The following CAMSAP2 variants were observed in gnomAD, a reference collection of about 807,000 sequenced individuals.
The protein encoded by CAMSAP2 is calmodulin-regulated spectrin-associated protein 2.
Under a neutral mutation model 146.1 loss-of-function variants are expected in CAMSAP2, and 26 were observed. The observed-to-expected ratio is 0.18, with a 90% CI of 0.13 to 0.25. The LOEUF (loss-of-function observed/expected upper bound fraction) is 0.25. Ranked by LOEUF, CAMSAP2 falls within the 10% of genes least tolerant of loss-of-function variation. CAMSAP2 has a pLI of 1.00. For missense variants in CAMSAP2, 1,381 were observed against 1,759.3 expected (o/e 0.78, Z 3.85); for synonymous variants, 499 against 596.6 (o/e 0.84, Z 2.38).
chr1:200,851,257 A>G (rs1352722428), intron 11 of CAMSAP2, among the ~76,000 whole-genome samples: 3 of 152,102 alleles, frequency 2.0e-5, no homozygotes, highest in South Asian at 4.1e-4. Context: ...CTGGAGTACA[A>G]TGGCGCAATC....
chr1:200,817,211 T>TGTGTGTGTGTATACACAC (rs1666610782), intron 4 of CAMSAP2, among the ~76,000 whole-genome samples: 2 of 56,140 alleles, frequency 3.6e-5, no homozygotes, highest in African/African-American at 1.5e-4. Flanking sequence ...TATACACACA[T>TGTGTGTGTGTATACACAC]ACACACATAT....
In CAMSAP2 at chr1:200,795,574, C is replaced by T. The variant is rs185051098; in HGVS notation, c.400-11802C>T. 1.5e-3 allele frequency among the ~76,000 whole-genome samples: 224 copies of T among 152,210 alleles called. 1 individual carries two copies. The highest frequency in any genetic ancestry group is 5.3e-3 in the African/African-American group (219 of 41,538). On this transcript the variant is annotated intron_variant, in intron 2 of 16. Coordinates refer to ENST00000358823, the MANE Select transcript of CAMSAP2 (RefSeq NM_203459.4). ...AAGCTACATATAGTCCAGATGAAGT[C>T]GATGAGTCTGCTCAGGAGACATATC...
chr1:200,791,129 G>A (rs545831232), intron 2 of CAMSAP2, among the ~76,000 whole-genome samples: 1 of 152,336 alleles, frequency 6.6e-6, no homozygotes, highest in South Asian at 2.1e-4. Flanking sequence ...ACAGGCGTGA[G>A]CCACTGCATC....
chr1:200,828,599 G>A, intron 4 of CAMSAP2: 9 of 1,550,008 alleles, frequency 5.8e-6, no homozygotes, highest in Non-Finnish European at 7.8e-6. Context: ...TTTGGAAACT[G>A]GTTCCAGTAA....
intron 2 of CAMSAP2, among the ~76,000 whole-genome samples, chr1:200,771,367 G>A (rs1167243421): frequency 6.6e-6 from 1 of 151,906 alleles, no homozygotes; most frequent in East Asian, 1.9e-4. Flanking sequence ...AAGTTTTCAA[G>A]AACACATGTG....
chr1:200,744,100 A>C (rs1203270609), intron 1 of CAMSAP2, among the ~76,000 whole-genome samples: 1 of 152,206 alleles, frequency 6.6e-6, no homozygotes, highest in African/African-American at 2.4e-5. Context: ...AATTTTACTG[A>C]TGAGGAAAGT....
At chr1:200,744,134 C>T (rs1664255104) in intron 1 of CAMSAP2, among the ~76,000 whole-genome samples, 1 of 152,098 alleles carries the variant, frequency 6.6e-6, no homozygotes, top group South Asian at 2.1e-4. Flanking sequence ...GGAACTCTTC[C>T]AGAGTTACCC....
intron 2 of CAMSAP2, 124 bp downstream of exon 2, chr1:200,761,222 A>G (rs979202539): frequency 1.1e-5 from 10 of 927,206 alleles, no homozygotes; most frequent in East Asian, 2.5e-5. Flanking sequence ...AGAGTTTACA[A>G]CTCATCTTTT....
Position 200,739,835 on chromosome 1 carries a change from A to G in CAMSAP2, c.8A>G (p.Asp3Gly). Reference protein sequence around the residue: MGDAADPREMRKT... With the variant: MGGAADPREMRKT... ...GAGGAGCCGCGGTGAAAGATGGGGG[A>G]TGCTGCAGACCCCAGGGAGATGAGA... is the stretch of plus-strand genomic sequence containing the variant. The change falls in exon 1 of 17, where the codon GAT becomes GGT. Residue 3 changes from aspartate to glycine, a missense_variant. Physicochemically the swap from Asp to Gly is moderately conservative, Grantham distance 94 (BLOSUM62 -1). Coordinates refer to ENST00000358823, the MANE Select transcript of CAMSAP2 (RefSeq NM_203459.4). The surrounding 1 kb of genome is among the most constrained non-coding windows in gnomAD (Gnocchi z 4.8). 4 of 1,611,496 alleles carry G rather than the reference A, an allele frequency of 2.5e-6. No individual in the cohort carries two copies. Among genetic ancestry groups the G allele is most frequent in the Non-Finnish European group, 3.4e-6 (4 of 1,178,566 alleles).
At chr1:200,757,500 T>C (rs1558163092) in intron 1 of CAMSAP2, among the ~76,000 whole-genome samples, 1 of 152,238 alleles carries the variant, frequency 6.6e-6, no homozygotes, top group Non-Finnish European at 1.5e-5. Context: ...GTTCTGTCTG[T>C]ATTAATTTCT....
At chr1:200,799,185 A>G (rs2103039461) in intron 2 of CAMSAP2, among the ~76,000 whole-genome samples, 1 of 152,306 alleles carries the variant, frequency 6.6e-6, no homozygotes, top group Middle Eastern at 3.4e-3. Context: ...GGCCTCATAA[A>G]AAGAGTTATG....
At chr1:200,838,048 A>T (rs1052190488) in intron 6 of CAMSAP2, among the ~76,000 whole-genome samples, 1 of 152,196 alleles carries the variant, frequency 6.6e-6, no homozygotes, top group Non-Finnish European at 1.5e-5. Context: ...TTAATCTGGC[A>T]TCATTCCTGA....
intron 1 of CAMSAP2, among the ~76,000 whole-genome samples, chr1:200,750,767 G>T (rs907358702): frequency 2.6e-5 from 4 of 151,892 alleles, no homozygotes; most frequent in Non-Finnish European, 5.9e-5. Flanking sequence ...TGGGATTACA[G>T]GTGACTGCCA....
At chr1:200,771,442 GTTC>G (rs2103013385) in intron 2 of CAMSAP2, among the ~76,000 whole-genome samples, 1 of 151,896 alleles carries the variant, frequency 6.6e-6, no homozygotes, top group South Asian at 2.1e-4. Context: ...AAATTATCTC[GTTC>G]TTAAGTAAAA....
intron 2 of CAMSAP2, among the ~76,000 whole-genome samples, chr1:200,779,879 T>C (rs930869367): frequency 6.6e-6 from 1 of 152,206 alleles, no homozygotes; most frequent in Non-Finnish European, 1.5e-5. Context: ...TTCATAATTT[T>C]GAAATAAAAA....
intron 4 of CAMSAP2, among the ~76,000 whole-genome samples, chr1:200,824,399 T>C (rs1666851864): frequency 6.6e-6 from 1 of 152,216 alleles, no homozygotes; most frequent in Non-Finnish European, 1.5e-5. Flanking sequence ...ATCTGGGCAC[T>C]AAGTGGCTCA....
chr1:200,808,841 C>G (rs1360677279), intron 3 of CAMSAP2, among the ~76,000 whole-genome samples: 1 of 152,226 alleles, frequency 6.6e-6, no homozygotes, highest in East Asian at 1.9e-4. Context: ...TCATATTTGT[C>G]CATCTTGAAC....
intron 1 of CAMSAP2, among the ~76,000 whole-genome samples, chr1:200,749,850 C>G (rs572513750): frequency 6.6e-6 from 1 of 152,218 alleles, no homozygotes; most frequent in South Asian, 2.1e-4. Context: ...TCACTGGCCC[C>G]TGAGAATCTG....
At chr1:200,746,475 C>A (rs539840343) in intron 1 of CAMSAP2, among the ~76,000 whole-genome samples, 20 of 152,144 alleles carry the variant, frequency 1.3e-4, no homozygotes, top group African/African-American at 4.6e-4. Context: ...GGGGAAAGAA[C>A]CATGTTGAGT....
Sources: allele counts gnomAD v4.1 joint callset (sites outside exome capture counted in the v4.1 genomes callset), GRCh38; gene constraint gnomAD v4.1.1; non-coding constraint Gnocchi (gnomAD v3.1); transcripts MANE v1.5; gene names NCBI Gene and HGNC (gene_info 2026-07-23, HGNC 2026-07-21).